Variants in LPAR3 observed in about 807,000 individuals in gnomAD.
LPAR3 encodes the protein LPA receptor 3.
A neutral mutation model predicts 17.8 loss-of-function variants in LPAR3; 7 were observed. The ratio of observed to expected loss-of-function variants is 0.39; its 90% confidence interval spans 0.22 to 0.74. The LOEUF is 0.74. Ranked by LOEUF, LPAR3 falls within the 30% of genes least tolerant of loss-of-function variation. LPAR3 has a pLI of 0.40. For synonymous variants in LPAR3, 179 were observed against 179.9 expected (o/e 0.99, Z 0.04); for missense variants, 391 against 453.4 (o/e 0.86, Z 1.25).
intron 2 of LPAR3, among the ~76,000 whole-genome samples, chr1:84,860,411 G>A (rs1659916267): frequency 1.3e-5 from 2 of 152,154 alleles, no homozygotes; most frequent in African/African-American, 4.8e-5. Context: ...ACTCTGTGGG[G>A]CCTTCCTCAT....
At chr1:84,891,195 T>G (rs4243774) in intron 1 of LPAR3, among the ~76,000 whole-genome samples, 1 of 151,218 alleles carries the variant, frequency 6.6e-6, no homozygotes, top group Non-Finnish European at 1.5e-5. Flanking sequence ...TAAATGCAAT[T>G]GAAAGGTTTA....
intron 1 of LPAR3, among the ~76,000 whole-genome samples, chr1:84,881,439 G>A (rs914505416): frequency 6.6e-6 from 1 of 152,210 alleles, no homozygotes; most frequent in Non-Finnish European, 1.5e-5. Context: ...GAAATGCTTA[G>A]TACACAGGAT....
In LPAR3 at chr1:84,886,939, G is replaced by A. The variant is rs139920165; in HGVS notation, c.-19+6077C>T. The stretch of plus-strand genomic sequence containing the variant: ...TTGAGCATTAAAATAAAAAACAATC[G>A]TGAGACTTCAACTTATTGAATACAT... On this transcript the variant is annotated intron_variant, in intron 1 of 2. Coordinates refer to ENST00000370611, the MANE Select transcript of LPAR3 (RefSeq NM_012152.3). Among the ~76,000 whole-genome samples the A allele has an allele frequency of 4.0e-4, 61 of 152,244 alleles. 1 individual carries two copies. Among genetic ancestry groups the A allele is most frequent in the African/African-American group, 9.4e-4 (39 of 41,554 alleles).
intron 2 of LPAR3, among the ~76,000 whole-genome samples, chr1:84,842,756 G>A (rs1659528074): frequency 6.6e-6 from 1 of 152,152 alleles, no homozygotes; most frequent in Non-Finnish European, 1.5e-5. Flanking sequence ...ACAGTCCTAT[G>A]TTTGAATTTC....
chr1:84,871,757 T>C (rs2102768119), intron 1 of LPAR3, among the ~76,000 whole-genome samples: 1 of 152,352 alleles, frequency 6.6e-6, no homozygotes, highest in African/African-American at 2.4e-5. Flanking sequence ...GAGGTTCATT[T>C]TAGCCATAGT....
chr1:84,812,255 C>G lies in LPAR3; in HGVS notation c.*1591G>C, dbSNP rs1413296382. On this transcript the variant is annotated 3_prime_UTR_variant, in exon 3 of 3. Coordinates refer to ENST00000370611, the MANE Select transcript of LPAR3 (RefSeq NM_012152.3). ...AAAACATCTGTTCTCAAATGAACAC[C>G]TCTTTCTCTTTTCTTGTACAGCACA... is the stretch of plus-strand genomic sequence containing the variant. 6.6e-6 allele frequency: 1 copy of G among 152,030 alleles called. No individual in the cohort carries two copies. Among genetic ancestry groups the G allele is most frequent in the Admixed American group, 6.5e-5 (1 of 15,270 alleles). 9.4% of individuals were successfully genotyped at this position (152,030 alleles called of 1,614,324 possible). A position where few individuals can be genotyped will look rare whatever the true frequency, so the allele number is the denominator to read the frequency against.
chr1:84,825,809 C>T (rs745868042), intron 2 of LPAR3, among the ~76,000 whole-genome samples: 2 of 152,168 alleles, frequency 1.3e-5, no homozygotes, highest in South Asian at 2.1e-4. Context: ...GTCATCAGTA[C>T]GGTGCGCAAA....
At chr1:84,875,547 C>A (rs940407979) in intron 1 of LPAR3, among the ~76,000 whole-genome samples, 4 of 152,234 alleles carry the variant, frequency 2.6e-5, no homozygotes, top group African/African-American at 9.6e-5. Context: ...TTCCACCCCT[C>A]CACCATGGGA....
rs1344866857 is a variant in LPAR3, at chr1:84,813,855, G to T, written c.1053C>A (p.Ser351Arg). 1 of 1,612,408 alleles carries T rather than the reference G, an allele frequency of 6.2e-7. No individual in the cohort carries two copies. The highest frequency in any genetic ancestry group is 2.2e-5 in the East Asian group (1 of 44,832). ...SISQGAVCNK[S>R]TS ...GAGAGGCATCCAGAGTTTAGGAAGT[G>T]CTTTTATTGCAGACTGCACCTTGGC... The change falls in exon 3 of 3, where the codon AGC becomes AGA. Residue 351 changes from serine to arginine, a missense_variant. Ser to Arg is a moderately radical substitution (Grantham distance 110). Coordinates refer to ENST00000370611, the MANE Select transcript of LPAR3 (RefSeq NM_012152.3).
At chr1:84,844,461 G>C (rs891608541) in intron 2 of LPAR3, among the ~76,000 whole-genome samples, 5 of 152,152 alleles carry the variant, frequency 3.3e-5, no homozygotes, top group South Asian at 2.1e-4. Flanking sequence ...TTTAGAGATA[G>C]CTTAACAAAA....
intron 1 of LPAR3, among the ~76,000 whole-genome samples, chr1:84,888,744 C>G (rs1660502535): frequency 6.6e-6 from 1 of 152,220 alleles, no homozygotes; most frequent in Non-Finnish European, 1.5e-5. Context: ...CTAATGTGCC[C>G]TCCAACCCAG....
intron 2 of LPAR3, among the ~76,000 whole-genome samples, chr1:84,845,069 C>G (rs1262114230): frequency 6.6e-6 from 1 of 152,192 alleles, no homozygotes; most frequent in Non-Finnish European, 1.5e-5. Flanking sequence ...ATTCTGAGCT[C>G]TGGGCCCAAT....
At chr1:84,889,412 C>T (rs12046081) in intron 1 of LPAR3, among the ~76,000 whole-genome samples, 101,278 of 151,988 alleles carry the variant, frequency 0.67, 34,148 homozygotes, top group East Asian at 0.85. Context: ...TCCAACATTG[C>T]CATCAGCACC....
intron 2 of LPAR3, among the ~76,000 whole-genome samples, chr1:84,828,169 C>T (rs1434115991): frequency 6.6e-6 from 1 of 152,038 alleles, no homozygotes; most frequent in Non-Finnish European, 1.5e-5. Context: ...GCTAAGTGAG[C>T]GATGGACACA....
intron 2 of LPAR3, among the ~76,000 whole-genome samples, chr1:84,821,964 T>G (rs1007766728): frequency 7.2e-5 from 11 of 152,290 alleles, no homozygotes; most frequent in South Asian, 2.1e-4. Context: ...GTTGGAGATG[T>G]GTAGAAGGCA....
At chr1:84,863,524 G>T (rs1478388514) in intron 2 of LPAR3, among the ~76,000 whole-genome samples, 1 of 152,128 alleles carries the variant, frequency 6.6e-6, no homozygotes, top group Admixed American at 6.5e-5. Context: ...TTTGCTGGCT[G>T]CCCCTTACCT....
chr1:84,863,812 C>T (rs1259524458), intron 2 of LPAR3, among the ~76,000 whole-genome samples: 1 of 152,206 alleles, frequency 6.6e-6, no homozygotes, highest in Non-Finnish European at 1.5e-5. Flanking sequence ...TCCCCCAAAA[C>T]CTCCTCCTCT....
At chr1:84,880,940 G>A (rs1272161591) in intron 1 of LPAR3, among the ~76,000 whole-genome samples, 4 of 152,198 alleles carry the variant, frequency 2.6e-5, no homozygotes, top group Admixed American at 6.5e-5. Flanking sequence ...CCACTGCCAG[G>A]GCAGGGAGGT....
chr1:84,866,090 C>A lies in LPAR3; in HGVS notation c.31G>T (p.Asp11Tyr). The change falls in exon 2 of 3, where the codon GAC (aspartate) becomes TAC (tyrosine). Residue 11 changes from aspartate (D) to tyrosine (Y), a missense_variant. Asp to Tyr is a radical substitution (Grantham distance 160, BLOSUM62 -3). Transcript: ENST00000370611. Reference protein sequence around the residue: MNECHYDKHMDFFYNRSNTDT... With the variant: MNECHYDKHMYFFYNRSNTDT... Reference sequence around the variant, plus strand: ...GTGTTGCTCCTATTATAAAAAAAGTCCATGTGCTTGTCATAGTGACACTCA... The same window carrying A: ...GTGTTGCTCCTATTATAAAAAAAGTACATGTGCTTGTCATAGTGACACTCA... 1 of 1,598,702 alleles carries A rather than the reference C, an allele frequency of 6.3e-7. No individual in the cohort carries two copies. Among genetic ancestry groups the A allele is most frequent in the South Asian group, 1.1e-5 (1 of 88,134 alleles).
Sources: allele counts gnomAD v4.1 joint callset (sites outside exome capture counted in the v4.1 genomes callset), GRCh38; gene constraint gnomAD v4.1.1; transcripts MANE v1.5; gene names NCBI Gene and HGNC (gene_info 2026-07-23, HGNC 2026-07-21).